Variants in RIC1 observed in about 807,000 individuals in gnomAD.
The protein encoded by RIC1 is guanine nucleotide exchange factor subunit RIC1.
In RIC1, 88 loss-of-function variants were observed where a neutral mutation model predicts 169.0. The ratio of observed to expected loss-of-function variants is 0.52; its 90% CI spans 0.44 to 0.62. RIC1 has a LOEUF of 0.62. Among genes scored for constraint, RIC1 ranks in the 20% least tolerant of loss-of-function variants. RIC1 has a pLI of 0.00. For missense variants in RIC1, 1,877 were observed against 1,725.5 expected, an observed-to-expected ratio of 1.09 and a Z score of -1.56; for synonymous variants, 790 against 601.5, an observed-to-expected ratio of 1.31 and a Z score of -4.59.
At chr9:5,650,236 A>T (rs1306343258) in intron 1 of RIC1, among the ~76,000 whole-genome samples, 5 of 152,098 alleles carry the variant, frequency 3.3e-5, no homozygotes, top group Non-Finnish European at 7.4e-5. Context: ...TGGGCAGTGC[A>T]TGTGGTATGG....
At chr9:5,752,113 C>G (rs1825757408) in intron 12 of RIC1, among the ~76,000 whole-genome samples, 1 of 152,144 alleles carries the variant, frequency 6.6e-6, no homozygotes, top group Non-Finnish European at 1.5e-5. Context: ...TTTACTTTAT[C>G]TACATTGATA....
chr9:5,770,255 T>C lies in RIC1; in HGVS notation c.3593T>C (p.Phe1198Ser), dbSNP rs1480464459. Reference protein sequence around the residue: ...SSHGPQMQDAFLSPLSNKGDE... With the variant: ...SSHGPQMQDASLSPLSNKGDE... ...CATGGACCACAAATGCAAGATGCCT[T>C]CTTGTCACCTTTATCTAATAAAGGT... Residue 1198 changes from phenylalanine to serine, a missense_variant, in exon 23 of 26, where the codon TTC (phenylalanine) becomes TCC (serine). Coordinates refer to ENST00000414202, the MANE Select transcript of RIC1 (RefSeq NM_020829.4). 2 of 1,613,120 alleles carry C rather than the reference T, an allele frequency of 1.2e-6. No individual in the cohort carries two copies. Among genetic ancestry groups the C allele is most frequent in the African/African-American group, 2.7e-5 (2 of 74,876 alleles).
At chr9:5,666,005 C>A (rs1283164700) in intron 2 of RIC1, among the ~76,000 whole-genome samples, 1 of 152,142 alleles carries the variant, frequency 6.6e-6, no homozygotes, top group South Asian at 2.1e-4. Flanking sequence ...TATGGGCTCT[C>A]CAGGACCCAC....
At chr9:5,656,816 G>A in intron 2 of RIC1, 126 bp downstream of exon 2, 1 of 576,066 alleles carries the variant, frequency 1.7e-6, no homozygotes, top group Non-Finnish European at 3.1e-6. Flanking sequence ...ATTCTGATAG[G>A]AATTGCTTTA....
rs937994486 is a variant in RIC1 at position 5,768,904 on chromosome 9, C to T, written c.3138-66C>T. On this transcript the variant is annotated intron_variant, in intron 21 of 25. Transcript: ENST00000414202. ...CTTGTCAGCTTTATCAGTACCTCTG[C>T]GTAATAAGGATGTGAAATCCTCCAG... The T allele has an allele frequency of 7.0e-5, 105 of 1,495,974 alleles. No homozygotes were observed. In the African/African-American group the frequency reaches 1.1e-3, roughly 15 times the overall value. 92.7% of individuals were successfully genotyped at this position (1,495,974 alleles called of 1,614,324 possible).
At chr9:5,733,911 A>T (rs1480951765) in intron 7 of RIC1, among the ~76,000 whole-genome samples, 2 of 151,324 alleles carry the variant, frequency 1.3e-5, no homozygotes, top group African/African-American at 4.8e-5. Flanking sequence ...TTCTCTATTC[A>T]TCTTTGAATG....
At chr9:5,670,356 GA>G (rs531873151) in intron 2 of RIC1, among the ~76,000 whole-genome samples, 5 of 151,924 alleles carry the variant, frequency 3.3e-5, no homozygotes, top group African/African-American at 9.7e-5. Context: ...GCTCTTAGGG[GA>G]AAAAAAATCA....
At chr9:5,692,033 T>C (rs1031876000) in intron 3 of RIC1, among the ~76,000 whole-genome samples, 1 of 152,070 alleles carries the variant, frequency 6.6e-6, no homozygotes, top group Non-Finnish European at 1.5e-5. Context: ...GCGTGAACTT[T>C]GCTGTGTTTG....
chr9:5,756,680 C>T (rs1826036057), intron 16 of RIC1, among the ~76,000 whole-genome samples: 1 of 152,042 alleles, frequency 6.6e-6, no homozygotes, highest in Non-Finnish European at 1.5e-5. Flanking sequence ...TACTGACTCT[C>T]CTGGTGCTCT....
chr9:5,688,292 C>G (rs761151514), intron 2 of RIC1, among the ~76,000 whole-genome samples: 6 of 152,206 alleles, frequency 3.9e-5, no homozygotes, highest in Non-Finnish European at 8.8e-5. Flanking sequence ...AGTGCGCCTT[C>G]TAAGTGTGCT....
intron 14 of RIC1, among the ~76,000 whole-genome samples, 163 bp from the exon 15 acceptor site, chr9:5,754,678 C>T (rs1825900780): frequency 6.6e-6 from 1 of 152,126 alleles, no homozygotes; most frequent in Non-Finnish European, 1.5e-5. Context: ...TTGCAGGGAG[C>T]TGAGATCGAG....
chr9:5,759,880 T>C (rs75007171), intron 17 of RIC1, among the ~76,000 whole-genome samples: 1,865 of 152,264 alleles, frequency 0.012, 11 homozygotes, highest in Non-Finnish European at 0.018. Context: ...CTCCATACTT[T>C]TAATCATGTT....
chr9:5,651,387 A>G (rs1818792569), intron 1 of RIC1, among the ~76,000 whole-genome samples: 1 of 151,394 alleles, frequency 6.6e-6, no homozygotes, highest in Non-Finnish European at 1.5e-5. Flanking sequence ...GCAAGGGCTG[A>G]TGTCTCTAGT....
chr9:5,661,526 G>T (rs537955786), intron 2 of RIC1, among the ~76,000 whole-genome samples: 38 of 152,238 alleles, frequency 2.5e-4, no homozygotes, highest in African/African-American at 8.7e-4. Context: ...TTGGTTTGTA[G>T]TTCCCCTTGA....
At position 5,765,431 on chromosome 9, in the gene RIC1, A is replaced by C. The variant is rs139696551; in HGVS notation, c.2859A>C (p.Ala953=). The change falls in exon 20 of 26, where the codon GCA becomes GCC. Residue 953 remains alanine (A), a synonymous_variant. Transcript: ENST00000414202. ...TTTTGTAGAATATGGAAGTCCCTGC[A>C]GTAAGTAGGCAACATGCTACCCTTC... is the stretch of plus-strand genomic sequence containing the variant. ...LIILQNMEVP[A]VSRQHATLLF... 1.0e-4 allele frequency: 161 copies of C among 1,613,756 alleles called. No homozygotes were observed. Among genetic ancestry groups the C allele is most frequent in the Non-Finnish European group, 1.3e-4 (154 of 1,179,904 alleles).
intron 8 of RIC1, among the ~76,000 whole-genome samples, chr9:5,741,884 G>A (rs980615147): frequency 6.6e-6 from 1 of 152,092 alleles, no homozygotes; most frequent in African/African-American, 2.4e-5. Context: ...TGTGTGTAGC[G>A]CTTTGAGAAC....
rs148820214 is a variant in RIC1, at chr9:5,769,678, G to A, written c.3425-409G>A. 5.2e-3 allele frequency: 1,345 copies of A among 257,130 alleles called. 15 individuals carry two copies. Among genetic ancestry groups the A allele is most frequent in the African/African-American group, 0.029 (1,268 of 44,406 alleles). The allele number at this position is 257,130 out of a possible 1,614,324, so 15.9% of individuals were successfully genotyped here. A position where few individuals can be genotyped will look rare whatever the true frequency, so the allele number is the denominator to read the frequency against. The stretch of plus-strand genomic sequence containing the variant: ...GGACAAACTGAAAGTGTATATTTTG[G>A]TGAAATAAAAATTTAAAGTTTTTTA... On this transcript the variant is annotated intron_variant, in intron 22 of 25. Coordinates refer to ENST00000414202, the MANE Select transcript of RIC1 (RefSeq NM_020829.4).
chr9:5,736,144 A>G (rs1824690231), intron 7 of RIC1, among the ~76,000 whole-genome samples: 1 of 152,240 alleles, frequency 6.6e-6, no homozygotes. Context: ...TTTAGAGCTC[A>G]GCAACCCAGG....
At chr9:5,682,242 T>C (rs1291415970) in intron 2 of RIC1, among the ~76,000 whole-genome samples, 1 of 152,256 alleles carries the variant, frequency 6.6e-6, no homozygotes, top group Non-Finnish European at 1.5e-5. Context: ...TGATGCAGTT[T>C]CTTCCTAGCC....
Sources: allele counts gnomAD v4.1 joint callset (sites outside exome capture counted in the v4.1 genomes callset), GRCh38; gene constraint gnomAD v4.1.1; transcripts MANE v1.5; gene names NCBI Gene and HGNC (gene_info 2026-07-23, HGNC 2026-07-21).